Variants in RAI14 observed in about 807,000 individuals in gnomAD.
RAI14 encodes retinoic acid induced 14, also known as ankycorbin.
A neutral mutation model predicts 115.4 loss-of-function variants in RAI14; 45 were observed. That is an observed-to-expected ratio of 0.39 (90% CI 0.31 to 0.50). The LOEUF (loss-of-function observed/expected upper bound fraction) is 0.50. RAI14 is among the 20% of genes least tolerant of loss of function. RAI14 has a pLI of 0.85. For synonymous variants in RAI14, 371 were observed against 415.4 expected, an observed-to-expected ratio of 0.89 and a Z score of 1.30; for missense variants, 939 against 1,131.2, an observed-to-expected ratio of 0.83 and a Z score of 2.44.
intron 12 of RAI14, among the ~76,000 whole-genome samples, chr5:34,817,199 C>T (rs551439376): frequency 6.9e-6 from 1 of 144,888 alleles, no homozygotes; most frequent in South Asian, 2.2e-4. Flanking sequence ...ATCGCTTGAA[C>T]CTGGGAGGCA....
chr5:34,805,670 T>C (rs1283381199), intron 5 of RAI14, among the ~76,000 whole-genome samples: 1 of 151,980 alleles, frequency 6.6e-6, no homozygotes, highest in Non-Finnish European at 1.5e-5. Context: ...TGAAACCCCA[T>C]CTCTTCTAAA....
Position 34,823,061 on chromosome 5 carries a change from C to G in RAI14, c.1219C>G (p.Pro407Ala). Residue 407 changes from proline (P) to alanine (A), a missense_variant, in exon 15 of 18, where the codon CCA becomes GCA. Physicochemically the swap from Pro to Ala is conservative, Grantham distance 27. Transcript: ENST00000265109. The surrounding 1 kb of genome is among the most constrained non-coding windows in gnomAD (Gnocchi z 4.5). ...SLGKPGETSPPDSKSSPSVLI... is the reference protein window; with the variant it reads ...SLGKPGETSPADSKSSPSVLI... ...GGGAAAACCTGGTGAAACCTCTCCC[C>G]CAGACTCCAAATCATCTCCATCTGT... The G allele has an allele frequency of 6.2e-7, 1 of 1,613,036 alleles. No individual in the cohort carries two copies.
intron 2 of RAI14, among the ~76,000 whole-genome samples, chr5:34,745,372 T>A (rs149442086): frequency 5.0e-4 from 76 of 152,300 alleles, no homozygotes; most frequent in African/African-American, 1.6e-3. Context: ...ATCTCATGCT[T>A]TTCACCATAT....
intron 3 of RAI14, among the ~76,000 whole-genome samples, chr5:34,788,877 G>A (rs1431317220): frequency 6.6e-6 from 1 of 152,174 alleles, no homozygotes; most frequent in East Asian, 1.9e-4. Context: ...GCTGAGGCAC[G>A]AGAATCGCTT....
At position 34,826,386 on chromosome 5, in the gene RAI14, C is replaced by G. The variant is rs1161402830; in HGVS notation, c.2706C>G (p.Ser902=). The part of the protein sequence containing the change: ...TKLKEALNSL[S]QLSYSTSSSK... ...TGAAGGAGGCCTTGAACAGCCTCTC[C>G]CAGCTCTCCTACTCAACAAGCTCAT... Residue 902 remains serine (S), a synonymous_variant, in exon 16 of 18, where the codon TCC becomes TCG. Transcript: ENST00000265109. 6.2e-7 allele frequency: 1 copy of G among 1,613,952 alleles called. No homozygotes were observed. The highest frequency in any genetic ancestry group is 8.5e-7 in the Non-Finnish European group (1 of 1,179,968).
In RAI14 at chr5:34,784,402, T is replaced by G. The variant is rs115429201; in HGVS notation, c.168-11537T>G. Among the ~76,000 whole-genome samples, 495 of 152,364 alleles carry G rather than the reference T, an allele frequency of 3.2e-3. 1 individual carries two copies. Among genetic ancestry groups the G allele is most frequent in the African/African-American group, 0.011 (465 of 41,592 alleles). On this transcript the variant is annotated intron_variant, in intron 3 of 17. Transcript: ENST00000265109. ...GTTAATTTCAAAAATTGAAACAATT[T>G]TGTTTAGGAAAATGATTATTGAGAA... is the stretch of plus-strand genomic sequence containing the variant.
rs1021002607 is a variant in RAI14 at position 34,688,128 on chromosome 5, T to C, written c.36+1173T>C. On this transcript the variant is annotated intron_variant, in intron 2 of 17. Transcript: ENST00000265109. ...TTCGACAAAGACAGAAAACTAGCTG[T>C]TGGCCAGAGTGAAAGTCCTGGTCAT... 4 of 1,520,908 alleles carry C rather than the reference T, an allele frequency of 2.6e-6. No individual in the cohort carries two copies. The African/African-American group carries it at 4.2e-5, about 16-fold the overall frequency. The allele number at this position is 1,520,908 out of a possible 1,614,324, so 94.2% of individuals were successfully genotyped here. A position where few individuals can be genotyped will look rare whatever the true frequency, so the allele number is the denominator to read the frequency against.
chr5:34,723,236 A>T (rs998634888), intron 2 of RAI14, among the ~76,000 whole-genome samples: 1 of 152,060 alleles, frequency 6.6e-6, no homozygotes, highest in Non-Finnish European at 1.5e-5. Flanking sequence ...ATAGATGTGT[A>T]TATAGGATGT....
chr5:34,828,962 A>G (rs999967249), intron 16 of RAI14, among the ~76,000 whole-genome samples: 1 of 152,238 alleles, frequency 6.6e-6, no homozygotes, highest in African/African-American at 2.4e-5. Flanking sequence ...GTCATTGTAG[A>G]AAAGTTGAAA....
intron 2 of RAI14, among the ~76,000 whole-genome samples, chr5:34,745,644 A>G (rs1398711639): frequency 2.0e-5 from 3 of 152,202 alleles, no homozygotes; most frequent in African/African-American, 4.8e-5. Context: ...GATCAAGCCA[A>G]CTGCCCCTTT....
chr5:34,700,417 G>A (rs1229010609), intron 2 of RAI14, among the ~76,000 whole-genome samples: 1 of 152,200 alleles, frequency 6.6e-6, no homozygotes, highest in African/African-American at 2.4e-5. Context: ...TGGTGAACAA[G>A]TGGCTTTAGG....
intron 1 of RAI14, among the ~76,000 whole-genome samples, chr5:34,675,396 C>T (rs1743904693): frequency 6.6e-6 from 1 of 152,170 alleles, no homozygotes; most frequent in Non-Finnish European, 1.5e-5. Flanking sequence ...GCGTTCCCAG[C>T]CCTGGACAAC....
chr5:34,779,939 C>G (rs1751395557), intron 3 of RAI14, among the ~76,000 whole-genome samples: 1 of 152,158 alleles, frequency 6.6e-6, no homozygotes, highest in Non-Finnish European at 1.5e-5. Context: ...AAAAACAAAG[C>G]TGGAGGCATC....
At chr5:34,689,341 G>C (rs1258178534) in intron 2 of RAI14, among the ~76,000 whole-genome samples, 1 of 152,052 alleles carries the variant, frequency 6.6e-6, no homozygotes, top group Non-Finnish European at 1.5e-5. Flanking sequence ...AGAGGTCAAG[G>C]CTACAGTGAA....
intron 2 of RAI14, among the ~76,000 whole-genome samples, chr5:34,752,200 G>C (rs1041793999): frequency 7.1e-6 from 1 of 141,024 alleles, no homozygotes; most frequent in Admixed American, 7.3e-5. Flanking sequence ...AAAAGTTAAG[G>C]GAGTTGGATT....
At chr5:34,815,311 G>T (rs1484896375) in intron 12 of RAI14, among the ~76,000 whole-genome samples, 1 of 151,918 alleles carries the variant, frequency 6.6e-6, no homozygotes, top group African/African-American at 2.4e-5. Context: ...CACCCAAGAG[G>T]CAGAGATTGC....
intron 2 of RAI14, among the ~76,000 whole-genome samples, chr5:34,721,308 T>G (rs1168499788): frequency 7.0e-6 from 1 of 142,246 alleles, no homozygotes; most frequent in Non-Finnish European, 1.5e-5. Flanking sequence ...TATATATATA[T>G]ATATATATAT....
intron 2 of RAI14, among the ~76,000 whole-genome samples, chr5:34,704,003 A>G (rs567839505): frequency 1.3e-5 from 2 of 152,334 alleles, no homozygotes; most frequent in African/African-American, 4.8e-5. Context: ...ATTGTTAGAA[A>G]TGAACATTGT....
intron 2 of RAI14, chr5:34,687,708 T>G (rs1298140883): frequency 5.8e-6 from 9 of 1,551,420 alleles, no homozygotes; most frequent in Non-Finnish European, 7.8e-6. Context: ...GGAAGGGAAT[T>G]AGATGGAAGC....
Sources: gnomAD v4.1 joint callset for allele counts (sites outside exome capture counted in the v4.1 genomes callset) on GRCh38, gnomAD v4.1.1 for gene constraint, Gnocchi (gnomAD v3.1) non-coding constraint, MANE v1.5 for transcripts, NCBI Gene and HGNC (gene_info 2026-07-23, HGNC 2026-07-21) for gene names.